Variants in CADM2 observed in about 807,000 individuals in gnomAD.
The protein encoded by CADM2 is immunoglobulin superfamily member 4D.
A neutral mutation model predicts 49.8 loss-of-function variants in CADM2; 12 were observed. The observed-to-expected ratio is 0.24, with a 90% CI of 0.15 to 0.39. CADM2 has a LOEUF of 0.39. CADM2 is among the 10% of genes least tolerant of loss of function. The pLI is 1.00. For missense variants in CADM2, 378 were observed against 492.3 expected (o/e 0.77, Z 2.20); for synonymous variants, 214 against 175.4 (o/e 1.22, Z -1.74).
At chr3:85,904,905 T>A (rs967514506) in intron 5 of CADM2, among the ~76,000 whole-genome samples, 2 of 152,196 alleles carry the variant, frequency 1.3e-5, no homozygotes, top group African/African-American at 2.4e-5. Flanking sequence ...TGTCTTTATT[T>A]TTTGCCTCTA....
At chr3:85,983,351 C>A (rs914378288) in intron 8 of CADM2, among the ~76,000 whole-genome samples, 3 of 151,572 alleles carry the variant, frequency 2.0e-5, no homozygotes, top group African/African-American at 4.8e-5. Context: ...CCAACTTGGG[C>A]AGCTATGGGA....
At chr3:86,045,158 G>A (rs1448648281) in intron 8 of CADM2, among the ~76,000 whole-genome samples, 1 of 151,916 alleles carries the variant, frequency 6.6e-6, no homozygotes, top group Non-Finnish European at 1.5e-5. Flanking sequence ...ATATACATGT[G>A]TAACTAACCT....
At chr3:85,512,539 A>C (rs1053794988) in intron 1 of CADM2, among the ~76,000 whole-genome samples, 5 of 152,078 alleles carry the variant, frequency 3.3e-5, no homozygotes, top group Admixed American at 6.6e-5. Flanking sequence ...TTTCTAAAAT[A>C]TTTATTAACT....
At chr3:85,898,235 G>A (rs1213933468) in intron 5 of CADM2, among the ~76,000 whole-genome samples, 1 of 151,990 alleles carries the variant, frequency 6.6e-6, no homozygotes, top group East Asian at 1.9e-4. Context: ...ATAATCACCA[G>A]AAATCATTGA....
At chr3:85,789,647 T>G (rs1039972387) in intron 2 of CADM2, among the ~76,000 whole-genome samples, 3 of 152,188 alleles carry the variant, frequency 2.0e-5, no homozygotes, top group Non-Finnish European at 2.9e-5. Context: ...AAATCATGTG[T>G]TCATTGAATA....
chr3:85,413,623 C>T (rs995611114), intron 1 of CADM2, among the ~76,000 whole-genome samples: 7 of 152,122 alleles, frequency 4.6e-5, no homozygotes, highest in East Asian at 1.9e-4. Context: ...AAAGAGAGGG[C>T]GGCAGGGAGC....
At chr3:85,969,975 A>G (rs928840725) in intron 8 of CADM2, among the ~76,000 whole-genome samples, 4 of 63,204 alleles carry the variant, frequency 6.3e-5, no homozygotes, top group African/African-American at 1.9e-4. Context: ...GTGTGAGTGT[A>G]TATATATATA....
At chr3:85,915,907 A>G (rs778432408) in intron 6 of CADM2, among the ~76,000 whole-genome samples, 39 of 152,266 alleles carry the variant, frequency 2.6e-4, no homozygotes, top group Non-Finnish European at 4.1e-4. Flanking sequence ...CTATGACTAC[A>G]TCTAAAATAA....
chr3:85,015,079 C>T (rs922111156), intron 1 of CADM2, among the ~76,000 whole-genome samples: 1 of 151,544 alleles, frequency 6.6e-6, no homozygotes, highest in Non-Finnish European at 1.5e-5. Context: ...TCTATTGTGC[C>T]GTACATAGTA....
chr3:85,438,817 T>C (rs2037051421), intron 1 of CADM2, among the ~76,000 whole-genome samples: 1 of 152,016 alleles, frequency 6.6e-6, no homozygotes, highest in Non-Finnish European at 1.5e-5. Flanking sequence ...GGACTAAAAG[T>C]GTGAGCCACC....
intron 1 of CADM2, among the ~76,000 whole-genome samples, chr3:85,648,379 T>C (rs767823473): frequency 1.8e-4 from 27 of 152,084 alleles, no homozygotes; most frequent in Admixed American, 1.1e-3. Flanking sequence ...TTCATTTACG[T>C]AGCAATTTTA....
chr3:85,684,770 A>G (rs1328738179), intron 1 of CADM2, among the ~76,000 whole-genome samples: 5 of 152,174 alleles, frequency 3.3e-5, no homozygotes, highest in African/African-American at 1.2e-4. Flanking sequence ...ATTCACTGCT[A>G]AGAGAACTGT....
chr3:86,023,460 G>T (rs185751599), intron 8 of CADM2, among the ~76,000 whole-genome samples: 1 of 152,186 alleles, frequency 6.6e-6, no homozygotes, highest in African/African-American at 2.4e-5. Context: ...CCGGGTTCAA[G>T]CAATTTTCCT....
intron 1 of CADM2, among the ~76,000 whole-genome samples, chr3:84,986,591 T>G (rs1221671854): frequency 2.0e-5 from 3 of 149,888 alleles, no homozygotes; most frequent in Admixed American, 6.6e-5. Flanking sequence ...CATCACACTC[T>G]GGGGACTGTT....
In CADM2 at chr3:85,737,098, C is replaced by A. The variant is rs146538724; in HGVS notation, c.88+10550C>A. ...TCAGTACTGGAGACCAACAAGCAGA[C>A]ACCTAGAATGACAGTCCTGATCTTG... is the stretch of plus-strand genomic sequence containing the variant. On this transcript the variant is annotated intron_variant, in intron 2 of 9. Coordinates refer to ENST00000383699, the MANE Select transcript of CADM2 (RefSeq NM_001167675.2). Among the ~76,000 whole-genome samples the A allele has an allele frequency of 1.1e-4, 16 of 152,264 alleles. No homozygotes were observed. The East Asian group carries it at 2.1e-3, about 20-fold the overall frequency.
intron 1 of CADM2, among the ~76,000 whole-genome samples, chr3:85,631,404 C>G (rs1559954838): frequency 1.3e-5 from 2 of 151,972 alleles, no homozygotes; most frequent in Admixed American, 1.3e-4. Context: ...TACTCTTATT[C>G]CATGGATTAT....
intron 1 of CADM2, among the ~76,000 whole-genome samples, chr3:85,235,350 A>C (rs1254842095): frequency 6.6e-6 from 1 of 152,034 alleles, no homozygotes; most frequent in Admixed American, 6.6e-5. Context: ...TGAGTGATAA[A>C]TAAATTTGTA....
At chr3:85,863,298 C>T (rs931766361) in intron 3 of CADM2, among the ~76,000 whole-genome samples, 3 of 152,072 alleles carry the variant, frequency 2.0e-5, no homozygotes, top group Admixed American at 2.0e-4. Context: ...CCTCCAAAAT[C>T]ATGTGGTTAT....
At chr3:85,951,575 A>T (rs9784348) in intron 7 of CADM2, among the ~76,000 whole-genome samples, 5,052 of 151,016 alleles carry the variant, frequency 0.033, 280 homozygotes, top group African/African-American at 0.12. Context: ...TGGGACGGAG[A>T]AATGTGTATG....
Sources: allele counts gnomAD v4.1 joint callset (sites outside exome capture counted in the v4.1 genomes callset), GRCh38; gene constraint gnomAD v4.1.1; transcripts MANE v1.5; gene names NCBI Gene and HGNC (gene_info 2026-07-23, HGNC 2026-07-21).